Variants in CPNE3 observed in about 807,000 individuals in gnomAD.
CPNE3 encodes the protein copine-3.
A neutral mutation model predicts 63.9 loss-of-function variants in CPNE3; 68 were observed. The ratio of observed to expected loss-of-function variants is 1.06; its 90% CI spans 0.87 to 1.30. The LOEUF is 1.30. CPNE3 is among the 50% of genes most tolerant of loss of function. The probability of loss-of-function intolerance (pLI) is 0.00; values close to 1 mark genes in which losing one functional copy is unlikely to be tolerated. For synonymous variants in CPNE3, 219 were observed against 197.5 expected, an observed-to-expected ratio of 1.11 and a Z score of -0.91; for missense variants, 665 against 578.1, an observed-to-expected ratio of 1.15 and a Z score of -1.54.
chr8:86,534,301 A>C (rs1820753000), intron 6 of CPNE3, among the ~76,000 whole-genome samples: 1 of 152,110 alleles, frequency 6.6e-6, no homozygotes, highest in African/African-American at 2.4e-5. Flanking sequence ...GGAGGCTCAC[A>C]CTGACTTGTG....
At chr8:86,541,839 AAT>A (rs1309208794) in intron 8 of CPNE3, among the ~76,000 whole-genome samples, 1 of 152,176 alleles carries the variant, frequency 6.6e-6, no homozygotes, top group Non-Finnish European at 1.5e-5. Flanking sequence ...CCAGGTCCGA[AAT>A]AAATAGTTGA....
chr8:86,556,374 G>T, intron 16 of CPNE3, 36 bp downstream of exon 16: 1 of 870,428 alleles, frequency 1.1e-6, no homozygotes, highest in South Asian at 1.3e-5. Flanking sequence ...ACACTAAAGT[G>T]ACTGAACACA....
intron 9 of CPNE3, 57 bp from the exon 10 acceptor site, chr8:86,546,538 A>G: frequency 6.4e-7 from 1 of 1,559,650 alleles, no homozygotes; most frequent in Non-Finnish European, 8.8e-7. Flanking sequence ...TTAAAGTCAC[A>G]TTGGCATTTC....
chr8:86,547,842 A>ATTTTCTTTC (rs1821089010), intron 11 of CPNE3, 72 bp downstream of exon 11: 3 of 777,778 alleles, frequency 3.9e-6, no homozygotes, highest in Non-Finnish European at 6.7e-6. Flanking sequence ...TTCACTGCAA[A>ATTTTCTTTC]ACTGACTTTG....
chr8:86,534,152 G>A (rs66948125), intron 6 of CPNE3, among the ~76,000 whole-genome samples: 6,639 of 151,850 alleles, frequency 0.044, 197 homozygotes, highest in African/African-American at 0.075. Flanking sequence ...TAAATCCTGT[G>A]GTGTCATTTA....
At position 86,558,274 on chromosome 8, in the gene CPNE3, T is replaced by G; in HGVS notation, c.1492-14T>G. Reference sequence around the variant, plus strand: ...AGTTGCTAATAAAGTCACTTTTATTTTGTTTTTCACAAGGCTCCAAAAGAA... The same window carrying G: ...AGTTGCTAATAAAGTCACTTTTATTGTGTTTTTCACAAGGCTCCAAAAGAA... On this transcript the variant is annotated splice_polypyrimidine_tract_variant and intron_variant, in intron 16 of 16. Coordinates refer to ENST00000517490, the MANE Select transcript of CPNE3 (RefSeq NM_003909.5). The G allele has an allele frequency of 1.1e-6, 1 of 872,854 alleles. No homozygotes were observed. The highest frequency in any genetic ancestry group is 2.0e-6 in the Non-Finnish European group (1 of 501,600). 54.1% of individuals were successfully genotyped at this position (872,854 alleles called of 1,614,324 possible). A position where few individuals can be genotyped will look rare whatever the true frequency, so the allele number is the denominator to read the frequency against.
At chr8:86,537,701 T>A (rs1274169591) in intron 7 of CPNE3, 55 bp downstream of exon 7, 1 of 1,025,444 alleles carries the variant, frequency 9.8e-7, no homozygotes, top group African/African-American at 1.6e-5. Flanking sequence ...ATTATTGTAA[T>A]CTGAATTTTA....
intron 2 of CPNE3, among the ~76,000 whole-genome samples, chr8:86,520,914 G>A (rs1180769103): frequency 1.3e-5 from 2 of 151,898 alleles, no homozygotes; most frequent in East Asian, 3.9e-4. Context: ...CATTTCTTTT[G>A]ACACCTGATC....
At chr8:86,517,190 T>C (rs1455567453) in intron 2 of CPNE3, among the ~76,000 whole-genome samples, 1 of 152,214 alleles carries the variant, frequency 6.6e-6, no homozygotes, top group Non-Finnish European at 1.5e-5. Context: ...CAGTATGCAA[T>C]CATAACTTTT....
intron 12 of CPNE3, among the ~76,000 whole-genome samples, chr8:86,550,354 T>A (rs1821147287): frequency 6.6e-6 from 1 of 152,108 alleles, no homozygotes; most frequent in African/African-American, 2.4e-5. Flanking sequence ...ACCCAAGCAA[T>A]CCTCCCACCT....
intron 12 of CPNE3, among the ~76,000 whole-genome samples, chr8:86,549,534 A>T (rs1409377453): frequency 6.6e-6 from 1 of 152,228 alleles, no homozygotes; most frequent in African/African-American, 2.4e-5. Context: ...GTCAAACTGG[A>T]CAAGAATTGA....
chr8:86,516,496 T>C (rs1389796963), intron 2 of CPNE3, among the ~76,000 whole-genome samples: 1 of 152,232 alleles, frequency 6.6e-6, no homozygotes, highest in Non-Finnish European at 1.5e-5. Flanking sequence ...CCTTGCAGCA[T>C]CTGTTTCGGT....
chr8:86,527,711 A>G (rs73265786), intron 2 of CPNE3, among the ~76,000 whole-genome samples: 6,507 of 152,184 alleles, frequency 0.043, 194 homozygotes, highest in African/African-American at 0.072. Flanking sequence ...CCACTGCTGC[A>G]AAATATTGGG....
At chr8:86,541,718 A>AC (rs1194207715) in intron 8 of CPNE3, among the ~76,000 whole-genome samples, 15 of 151,278 alleles carry the variant, frequency 9.9e-5, no homozygotes, top group Non-Finnish European at 1.9e-4. Context: ...AAAAAAAAAA[A>AC]AAAAAACTGC....
chr8:86,520,662 CT>C (rs113992927), intron 2 of CPNE3, among the ~76,000 whole-genome samples: 54 of 139,932 alleles, frequency 3.9e-4, no homozygotes, highest in Admixed American at 8.6e-4. Flanking sequence ...CCAGGCATTT[CT>C]TTTTTTTTTT....
rs142629739 is a variant in CPNE3 at position 86,553,694 on chromosome 8, A to T, written c.1121-1157A>T. On this transcript the variant is annotated intron_variant, in intron 14 of 16. Transcript: ENST00000517490. Reference sequence around the variant, plus strand: ...CTGTATATGCTTCTCCTTTTTGTTGATCTGTGTTCTCTTAGACATTTTAAA... The same window carrying T: ...CTGTATATGCTTCTCCTTTTTGTTGTTCTGTGTTCTCTTAGACATTTTAAA... Among the ~76,000 whole-genome samples the T allele has an allele frequency of 1.3e-3, 191 of 150,358 alleles. 1 individual carries two copies. The highest frequency in any genetic ancestry group is 4.3e-3 in the African/African-American group (178 of 40,942).
At chr8:86,524,074 A>T (rs1820489127) in intron 2 of CPNE3, among the ~76,000 whole-genome samples, 1 of 152,228 alleles carries the variant, frequency 6.6e-6, no homozygotes, top group Admixed American at 6.5e-5. Flanking sequence ...AGACTATTAT[A>T]TAAGGCAGGT....
intron 2 of CPNE3, 89 bp downstream of exon 2, chr8:86,515,588 TGGGA>T (rs1820279492): frequency 6.6e-6 from 1 of 152,220 alleles, no homozygotes; most frequent in Non-Finnish European, 1.5e-5. Flanking sequence ...CATTATTCTT[TGGGA>T]TAAGCCAGAT....
At chr8:86,550,895 A>G in intron 12 of CPNE3, 151 bp from the exon 13 acceptor site, 1 of 708,346 alleles carries the variant, frequency 1.4e-6, no homozygotes, top group Admixed American at 3.3e-5. Context: ...GTCAAATATT[A>G]ACATTGATTC....
Sources: allele counts gnomAD v4.1 joint callset (sites outside exome capture counted in the v4.1 genomes callset), GRCh38; gene constraint gnomAD v4.1.1; transcripts MANE v1.5; gene names NCBI Gene and HGNC (gene_info 2026-07-23, HGNC 2026-07-21).